TMPRSS15: variants seen among roughly 807,000 people sequenced by gnomAD.
TMPRSS15 encodes transmembrane serine protease 15.
TMPRSS15 carries 128 observed loss-of-function variants against 125.3 expected under a neutral mutation model. The ratio of observed to expected loss-of-function variants is 1.02; its 90% CI spans 0.89 to 1.18. The LOEUF is 1.18. TMPRSS15 is among the 50% of genes most tolerant of loss of function. The pLI is 0.00. For synonymous variants in TMPRSS15, 446 were observed against 423.2 expected (o/e 1.05, Z -0.66); for missense variants, 1,283 against 1,212.7 (o/e 1.06, Z -0.86).
At chr21:18,462,648 A>T (rs2122953343) in intron 1 of TMPRSS15, among the ~76,000 whole-genome samples, 1 of 152,168 alleles carries the variant, frequency 6.6e-6, no homozygotes, top group African/African-American at 2.4e-5. Context: ...ATGAAAAATA[A>T]AAAGCAGAAG....
chr21:18,317,675 C>T (rs1479123658), intron 16 of TMPRSS15, among the ~76,000 whole-genome samples: 1 of 151,980 alleles, frequency 6.6e-6, no homozygotes, highest in Admixed American at 6.6e-5. Context: ...TAAGTAATAA[C>T]TCTAGGATAC....
chr21:18,294,910 C>T (rs2074884217), intron 19 of TMPRSS15, among the ~76,000 whole-genome samples: 1 of 152,038 alleles, frequency 6.6e-6, no homozygotes, highest in Non-Finnish European at 1.5e-5. Context: ...TTTCTTCTTC[C>T]ATAAAATGGG....
intron 3 of TMPRSS15, among the ~76,000 whole-genome samples, chr21:18,384,120 T>A (rs1182914191): frequency 6.6e-6 from 1 of 152,170 alleles, no homozygotes; most frequent in East Asian, 1.9e-4. Context: ...TACTCTGATT[T>A]TACTGTTTGG....
intron 1 of TMPRSS15, among the ~76,000 whole-genome samples, chr21:18,435,715 C>A (rs2076226304): frequency 6.6e-6 from 1 of 152,064 alleles, no homozygotes; most frequent in South Asian, 2.1e-4. Flanking sequence ...GGTACCAGTT[C>A]CTCCTTGTAC....
intron 13 of TMPRSS15, among the ~76,000 whole-genome samples, chr21:18,334,617 G>A (rs1391909861): frequency 6.6e-6 from 1 of 152,128 alleles, no homozygotes; most frequent in Admixed American, 6.6e-5. Context: ...GCAATCTTGT[G>A]GATTGGGTAA....
chr21:18,418,936 C>T (rs2076186047), intron 1 of TMPRSS15, among the ~76,000 whole-genome samples: 1 of 152,124 alleles, frequency 6.6e-6, no homozygotes, highest in African/African-American at 2.4e-5. Context: ...CTCTGAAAGC[C>T]GACCATACAA....
chr21:18,441,480 C>T (rs938627385), intron 1 of TMPRSS15, among the ~76,000 whole-genome samples: 2 of 149,230 alleles, frequency 1.3e-5, no homozygotes, highest in Non-Finnish European at 3.0e-5. Context: ...GTGGTGTGCA[C>T]CTTGTAATCC....
At position 18,384,352 on chromosome 21, in the gene TMPRSS15, G is replaced by T. The variant is rs552706213; in HGVS notation, c.345-574C>A. Among the ~76,000 whole-genome samples, 270 of 152,068 alleles carry T rather than the reference G, an allele frequency of 1.8e-3. 2 individuals are homozygous for T. Among genetic ancestry groups the T allele is most frequent in the African/African-American group, 6.0e-3 (250 of 41,492 alleles). ...TTTCAAGGGATAGAAAGAAAACAAG[G>T]GTATCTGGGTCTATTAGGGATTCAC... is the stretch of plus-strand genomic sequence containing the variant. On this transcript the variant is annotated intron_variant, in intron 3 of 24. Transcript: ENST00000284885.
intron 3 of TMPRSS15, among the ~76,000 whole-genome samples, chr21:18,396,520 A>G (rs1188076096): frequency 6.6e-6 from 1 of 152,108 alleles, no homozygotes; most frequent in African/African-American, 2.4e-5. Flanking sequence ...CATGCCTGTA[A>G]TCCCAGCACT....
At chr21:18,437,539 A>G (rs1339431429) in intron 1 of TMPRSS15, among the ~76,000 whole-genome samples, 1 of 152,170 alleles carries the variant, frequency 6.6e-6, no homozygotes, top group Non-Finnish European at 1.5e-5. Context: ...TGAACAGGCA[A>G]CCTACAAAAT....
At chr21:18,278,710 A>G (rs1199964172) in intron 23 of TMPRSS15, among the ~76,000 whole-genome samples, 1 of 152,164 alleles carries the variant, frequency 6.6e-6, no homozygotes, top group Non-Finnish European at 1.5e-5. Flanking sequence ...CCACATTGCG[A>G]GACTCCGTCT....
At chr21:18,365,914 T>C (rs1332182375) in intron 6 of TMPRSS15, among the ~76,000 whole-genome samples, 1 of 151,822 alleles carries the variant, frequency 6.6e-6, no homozygotes, top group Admixed American at 6.6e-5. Context: ...TTTGTATTTT[T>C]AGTAGAGACG....
chr21:18,410,747 G>T (rs901867605), intron 1 of TMPRSS15, among the ~76,000 whole-genome samples: 1 of 151,932 alleles, frequency 6.6e-6, no homozygotes, highest in Non-Finnish European at 1.5e-5. Flanking sequence ...TTATAAAATC[G>T]AATTATATTC....
At chr21:18,324,301 TCTTTA>T (rs2075268480) in intron 16 of TMPRSS15, among the ~76,000 whole-genome samples, 1 of 152,206 alleles carries the variant, frequency 6.6e-6, no homozygotes, top group Admixed American at 6.5e-5. Context: ...TTTCTGTCTC[TCTTTA>T]CTTATCATTT....
At chr21:18,280,800 T>C (rs1311699624) in intron 22 of TMPRSS15, among the ~76,000 whole-genome samples, 1 of 152,128 alleles carries the variant, frequency 6.6e-6, no homozygotes, top group Non-Finnish European at 1.5e-5. Flanking sequence ...AGTTTACTGT[T>C]ATACAGGGCT....
At chr21:18,455,376 A>G (rs1326969509) in intron 1 of TMPRSS15, among the ~76,000 whole-genome samples, 1 of 152,206 alleles carries the variant, frequency 6.6e-6, no homozygotes, top group Non-Finnish European at 1.5e-5. Flanking sequence ...CAATGAAATG[A>G]CATAATCATA....
intron 1 of TMPRSS15, among the ~76,000 whole-genome samples, chr21:18,475,082 T>C (rs892234323): frequency 1.3e-5 from 2 of 152,208 alleles, no homozygotes; most frequent in Non-Finnish European, 2.9e-5. Context: ...AGCTGGGACC[T>C]AAGCCCATTG....
At chr21:18,450,190 A>G (rs1030104817) in intron 1 of TMPRSS15, among the ~76,000 whole-genome samples, 2 of 152,142 alleles carry the variant, frequency 1.3e-5, no homozygotes, top group African/African-American at 4.8e-5. Flanking sequence ...AGTAAAAATA[A>G]TCTTAACTTC....
At chr21:18,357,300 A>T (rs2075635509) in intron 8 of TMPRSS15, among the ~76,000 whole-genome samples, 1 of 151,886 alleles carries the variant, frequency 6.6e-6, no homozygotes, top group Non-Finnish European at 1.5e-5. Flanking sequence ...TTTCATAATT[A>T]TTTGAAGACT....
Sources: allele counts gnomAD v4.1 joint callset (sites outside exome capture counted in the v4.1 genomes callset), GRCh38; gene constraint gnomAD v4.1.1; transcripts MANE v1.5; gene names NCBI Gene and HGNC (gene_info 2026-07-23, HGNC 2026-07-21).